Variants in NRXN2 observed in about 807,000 individuals in gnomAD.
NRXN2 encodes the protein neurexin 2.
A neutral mutation model predicts 128.8 loss-of-function variants in NRXN2; 29 were observed. That is an observed-to-expected ratio of 0.23 (90% confidence interval 0.17 to 0.31). The LOEUF (loss-of-function observed/expected upper bound fraction) is 0.31. Ranked by LOEUF, NRXN2 falls within the 10% of genes least tolerant of loss-of-function variation. NRXN2 has a pLI of 1.00. For missense variants in NRXN2, 1,881 were observed against 2,452.6 expected (o/e 0.77, Z 4.92); for synonymous variants, 1,098 against 1,075.2 (o/e 1.02, Z -0.41).
chr11:64,608,165 G>A (rs2040009611), intron 22 of NRXN2, 83 bp from the exon 23 acceptor site: 2 of 1,033,118 alleles, frequency 1.9e-6, no homozygotes, highest in South Asian at 1.3e-5. Flanking sequence ...AGAAACAACA[G>A]CCTCACACAC....
In NRXN2 at chr11:64,667,656, T is replaced by C. The variant is rs1451377714; in HGVS notation, c.1392A>G (p.Glu464=). ...CCCCTTCCTTTGCCAGGCGGGATAG[T>C]TCCAATTTGAAGTCATTGTTCTTAT... ...VVYKNNDFKL[E]LSRLAKEGDP... Residue 464 remains glutamate, a synonymous_variant, in exon 9 of 23, where the codon GAA becomes GAG. Coordinates refer to ENST00000265459, the MANE Select transcript of NRXN2 (RefSeq NM_015080.4). The surrounding 1 kb of genome is among the most constrained non-coding windows in gnomAD (Gnocchi z 5.6). 3 of 1,614,202 alleles carry C rather than the reference T, an allele frequency of 1.9e-6. No homozygotes were observed. Among genetic ancestry groups the C allele is most frequent in the Non-Finnish European group, 1.7e-6 (2 of 1,180,038 alleles).
Position 64,631,302 on chromosome 11 carries a change from T to C in NRXN2, c.3586-729A>G, listed in dbSNP as rs1268636404. 8.6e-6 allele frequency among the ~76,000 whole-genome samples: 1 copy of C among 116,342 alleles called. No individual in the cohort carries two copies. The highest frequency in any genetic ancestry group is 1.8e-5 in the Non-Finnish European group (1 of 55,108). 76.3% of individuals were successfully genotyped at this position (116,342 alleles called of 152,430 possible). A position where few individuals can be genotyped will look rare whatever the true frequency, so the allele number is the denominator to read the frequency against. ...ATCGTGGGGGTTTCGGGGTAGGGGG[T>C]GGAGCTAGGGGCTGGGGAAGGACAG... On this transcript the variant is annotated intron_variant, in intron 18 of 22. Transcript: ENST00000265459. This position sits in a 1 kb window ranked among gnomAD's most constrained non-coding sequence, Gnocchi z 4.8.
rs1160481510 is a variant in NRXN2 at position 64,648,742 on chromosome 11, C to G, written c.3275G>C (p.Gly1092Ala). 1 of 1,613,826 alleles carries G rather than the reference C, an allele frequency of 6.2e-7. No homozygotes were observed. The change falls in exon 16 of 23, where the codon GGC (glycine) becomes GCC (alanine). Residue 1092 changes from glycine (G) to alanine (A), a missense_variant. This residue lies in a region of NRXN2 where 390 missense variants were observed against 599.6 expected (regional missense o/e 0.65). Transcript: ENST00000265459. The surrounding 1 kb of genome is among the most constrained non-coding windows in gnomAD (Gnocchi z 4.1). The stretch of plus-strand genomic sequence containing the variant: ...CTCCACCCTCCACTCACCATCACAG[C>G]CCCTCTCCACCTGCCCAATGCGGTG... ...ALHRIGQVER[G>A]CDGPSTTCTE...
intron 5 of NRXN2, chr11:64,688,303 T>C (rs1030164268): frequency 1.0e-6 from 1 of 985,052 alleles, no homozygotes; most frequent in East Asian, 1.1e-4. Context: ...ACCGGAGACC[T>C]GGGTCAGCCC....
chr11:64,616,776 C>T (rs1435757542), intron 22 of NRXN2, among the ~76,000 whole-genome samples: 1 of 152,160 alleles, frequency 6.6e-6, no homozygotes, highest in Non-Finnish European at 1.5e-5. Context: ...TGGGTCTGAA[C>T]ATGCATGCAC....
intron 9 of NRXN2, 32 bp from the exon 10 acceptor site, chr11:64,661,171 A>G: frequency 6.2e-7 from 1 of 1,612,844 alleles, no homozygotes; most frequent in Non-Finnish European, 8.5e-7. Context: ...GATGGAGAAA[A>G]GCCACAGGCC....
intron 6 of NRXN2, among the ~76,000 whole-genome samples, chr11:64,680,380 A>G (rs1344466218): frequency 6.6e-6 from 1 of 152,164 alleles, no homozygotes; most frequent in Non-Finnish European, 1.5e-5. Flanking sequence ...TCAGACATAC[A>G]AGCAGAACAT....
chr11:64,616,834 T>G (rs1243975947), intron 22 of NRXN2, among the ~76,000 whole-genome samples: 1 of 152,290 alleles, frequency 6.6e-6, no homozygotes, highest in East Asian at 1.9e-4. Flanking sequence ...ACACACAATA[T>G]GTGTGCCTTG....
At chr11:64,707,873 C>A (rs2056501929) in intron 2 of NRXN2, among the ~76,000 whole-genome samples, 1 of 152,152 alleles carries the variant, frequency 6.6e-6, no homozygotes. Flanking sequence ...GCAGGCGGAT[C>A]ACCTGAGGTC....
rs553746810 is a variant in NRXN2, at chr11:64,692,928, A to G, written c.749-52T>C. On this transcript the variant is annotated intron_variant, in intron 3 of 22. Coordinates refer to ENST00000265459, the MANE Select transcript of NRXN2 (RefSeq NM_015080.4). ...AGAAAGAAAAAAAGAAGAAGAAAAA[A>G]GAAAGAAAAGGGGAAAGAAACAAAG... is the stretch of plus-strand genomic sequence containing the variant. The G allele has an allele frequency of 4.1e-6, 6 of 1,469,518 alleles. No individual in the cohort carries two copies. In the East Asian group the frequency reaches 1.4e-4, roughly 34 times the overall value. The allele number at this position is 1,469,518 out of a possible 1,614,324, so 91.0% of individuals were successfully genotyped here. A position where few individuals can be genotyped will look rare whatever the true frequency, so the allele number is the denominator to read the frequency against.
chr11:64,620,812 C>T (rs1030439383), intron 21 of NRXN2, among the ~76,000 whole-genome samples: 1 of 150,846 alleles, frequency 6.6e-6, no homozygotes, highest in Middle Eastern at 3.2e-3. Context: ...TCCAGCTTCA[C>T]CACCCATCAC....
intron 21 of NRXN2, among the ~76,000 whole-genome samples, chr11:64,621,471 T>G (rs2042341334): frequency 6.6e-6 from 1 of 152,212 alleles, no homozygotes; most frequent in African/African-American, 2.4e-5. Flanking sequence ...CTCCTCAGCT[T>G]TCTTTGCAGA....
At chr11:64,645,470 G>A (rs1247644547) in intron 17 of NRXN2, among the ~76,000 whole-genome samples, 1 of 152,136 alleles carries the variant, frequency 6.6e-6, no homozygotes, top group African/African-American at 2.4e-5. Flanking sequence ...GGAGAGGCAG[G>A]AGACAGGCTC....
chr11:64,648,197 C>G lies in NRXN2; in HGVS notation c.3403+22G>C, dbSNP rs376854538. 8 of 1,614,060 alleles carry G rather than the reference C, an allele frequency of 5.0e-6. No homozygotes were observed. The highest frequency in any genetic ancestry group is 6.8e-6 in the Non-Finnish European group (8 of 1,180,000). On this transcript the variant is annotated intron_variant, in intron 17 of 22. Coordinates refer to ENST00000265459, the MANE Select transcript of NRXN2 (RefSeq NM_015080.4). This position sits in a 1 kb window ranked among gnomAD's most constrained non-coding sequence, Gnocchi z 4.1. ...TGGACCCTGGTCTCCCCAAACTGCCCCCAGCCCTCCCAGGCACTCACGATC... is the reference window on the plus strand; with the variant it reads ...TGGACCCTGGTCTCCCCAAACTGCCGCCAGCCCTCCCAGGCACTCACGATC...
In NRXN2 at chr11:64,635,182, T is replaced by G; in HGVS notation, c.3585+89A>C. The G allele has an allele frequency of 5.5e-6, 8 of 1,448,854 alleles. No individual in the cohort carries two copies. The highest frequency in any genetic ancestry group is 7.7e-6 in the Non-Finnish European group (8 of 1,033,898). The allele number at this position is 1,448,854 out of a possible 1,614,324, so 89.7% of individuals were successfully genotyped here. On this transcript the variant is annotated intron_variant, in intron 18 of 22. Transcript: ENST00000265459. The surrounding 1 kb of genome is among the most constrained non-coding windows in gnomAD (Gnocchi z 4.8). ...CTGAGGGTTCCCCATGAGGGAAGAC[T>G]TGAGGTGCTGATCCCATGGCAATGA...
chr11:64,670,390 C>A (rs2135518894), intron 7 of NRXN2, among the ~76,000 whole-genome samples: 1 of 152,206 alleles, frequency 6.6e-6, no homozygotes, highest in South Asian at 2.1e-4. Context: ...CAAAAACATG[C>A]AAACGAGATT....
At chr11:64,629,603 T>C (rs568252673) in intron 19 of NRXN2, among the ~76,000 whole-genome samples, 12 of 152,290 alleles carry the variant, frequency 7.9e-5, no homozygotes, top group African/African-American at 2.6e-4. Context: ...TCTCCTGTGC[T>C]CCTCAGACCT....
Position 64,651,913 on chromosome 11 carries a change from C to T in NRXN2, c.2536+122G>A. 2 of 1,471,468 alleles carry T rather than the reference C, an allele frequency of 1.4e-6. No individual in the cohort carries two copies. The highest frequency in any genetic ancestry group is 1.9e-6 in the Non-Finnish European group (2 of 1,064,990). 91.2% of individuals were successfully genotyped at this position (1,471,468 alleles called of 1,614,324 possible). On this transcript the variant is annotated intron_variant, in intron 13 of 22. Coordinates refer to ENST00000265459, the MANE Select transcript of NRXN2 (RefSeq NM_015080.4). The surrounding 1 kb of genome is among the most constrained non-coding windows in gnomAD (Gnocchi z 5.9). ...CATTCCACCCCTGAAGGAGAAATGG[C>T]AGAGGCAGCTTGCCAGAACACTGCC...
At chr11:64,673,206 A>G (rs1373983832) in intron 7 of NRXN2, among the ~76,000 whole-genome samples, 1 of 152,168 alleles carries the variant, frequency 6.6e-6, no homozygotes, top group Non-Finnish European at 1.5e-5. Flanking sequence ...TGATATTCAA[A>G]AGGGGAAAGC....
Sources: gnomAD v4.1 joint callset for allele counts (sites outside exome capture counted in the v4.1 genomes callset) on GRCh38, gnomAD v4.1.1 for gene constraint, gnomAD v4.1.1 regional missense constraint, Gnocchi (gnomAD v3.1) non-coding constraint, MANE v1.5 for transcripts, NCBI Gene and HGNC (gene_info 2026-07-23, HGNC 2026-07-21) for gene names.